Variants in CSMD3 observed in about 807,000 individuals in gnomAD.
CSMD3 encodes CUB and sushi domain-containing protein 3.
A neutral mutation model predicts 435.2 loss-of-function variants in CSMD3; 177 were observed. The ratio of observed to expected loss-of-function variants is 0.41; its 90% CI spans 0.36 to 0.46. CSMD3 has a LOEUF of 0.46. Among genes scored for constraint, CSMD3 ranks in the 20% least tolerant of loss-of-function variants. The pLI is 0.34. For synonymous variants in CSMD3, 1,656 were observed against 1,520.5 expected, an observed-to-expected ratio of 1.09 and a Z score of -2.07; for missense variants, 4,265 against 4,504.6, an observed-to-expected ratio of 0.95 and a Z score of 1.52.
In CSMD3 at chr8:112,472,632, C is replaced by A; in HGVS notation, c.5354G>T (p.Gly1785Val). 2 of 1,609,504 alleles carry A rather than the reference C, an allele frequency of 1.2e-6. No individual in the cohort carries two copies. The highest frequency in any genetic ancestry group is 1.7e-6 in the Non-Finnish European group (2 of 1,176,090). The part of the protein sequence containing the change: ...SPNYPKNYSV[G>V]HNCVYSIAVP... Reference sequence around the variant, plus strand: ...TGCTATAGAATAAACACAATTATGTCCCACACTGTAATTTTTTGGATAGTT... The same window carrying A: ...TGCTATAGAATAAACACAATTATGTACCACACTGTAATTTTTTGGATAGTT... The change falls in exon 32 of 71, where the codon GGA (glycine) becomes GTA (valine). Residue 1785 changes from glycine to valine, a missense_variant. Coordinates refer to ENST00000297405, the MANE Select transcript of CSMD3 (RefSeq NM_198123.2).
In CSMD3 at chr8:112,503,881, T is replaced by C. The variant is rs2130915487; in HGVS notation, c.4992A>G (p.Pro1664=). 1.2e-6 allele frequency: 2 copies of C among 1,613,058 alleles called. No homozygotes were observed. Among genetic ancestry groups the C allele is most frequent in the Non-Finnish European group, 1.7e-6 (2 of 1,179,270 alleles). ...TATTTGAGCTGCTTTCTATTCTCTC[T>C]GGTAACTTGCTGTCTTGAAAACTTC... ...LIGSFQDSKL[P]ERIESSSNTM... Residue 1664 remains proline, a synonymous_variant, in exon 30 of 71, where the codon CCA becomes CCG. Coordinates refer to ENST00000297405, the MANE Select transcript of CSMD3 (RefSeq NM_198123.2).
intron 22 of CSMD3, among the ~76,000 whole-genome samples, chr8:112,621,030 G>A (rs1834029988): frequency 6.6e-6 from 1 of 152,042 alleles, no homozygotes; most frequent in Non-Finnish European, 1.5e-5. Flanking sequence ...TGAGGTTAGA[G>A]TTCAAGATCA....
intron 61 of CSMD3, among the ~76,000 whole-genome samples, chr8:112,263,289 A>T (rs961607090): frequency 6.6e-6 from 1 of 152,166 alleles, no homozygotes; most frequent in Non-Finnish European, 1.5e-5. Context: ...AGTGACATGG[A>T]TTTATTGCCG....
chr8:113,152,787 T>A (rs575044301), intron 4 of CSMD3, among the ~76,000 whole-genome samples: 1 of 151,940 alleles, frequency 6.6e-6, no homozygotes, highest in African/African-American at 2.4e-5. Flanking sequence ...GAAACTAGCC[T>A]GGCCAACATT....
chr8:112,351,419 C>T (rs1296207827), intron 39 of CSMD3, among the ~76,000 whole-genome samples, 175 bp from the exon 40 acceptor site: 1 of 151,730 alleles, frequency 6.6e-6, no homozygotes, highest in African/African-American at 2.4e-5. Context: ...ATTATATACA[C>T]CTATGATAAA....
At chr8:112,632,328 A>G (rs2074538426) in intron 22 of CSMD3, among the ~76,000 whole-genome samples, 1 of 152,058 alleles carries the variant, frequency 6.6e-6, no homozygotes, top group African/African-American at 2.4e-5. Context: ...ATATAGAGTT[A>G]TCATTTTTAT....
intron 22 of CSMD3, among the ~76,000 whole-genome samples, chr8:112,612,901 A>AT (rs1367448026): frequency 2.2e-4 from 21 of 93,616 alleles, no homozygotes; most frequent in African/African-American, 9.2e-4. Context: ...AATTATTATT[A>AT]TTATTTTTTT....
rs541448468 is a variant in CSMD3, at chr8:112,738,080, G to A, written c.1973-48030C>T. Among the ~76,000 whole-genome samples the A allele has an allele frequency of 4.6e-5, 7 of 151,874 alleles. No individual in the cohort carries two copies. In the South Asian group the frequency reaches 1.2e-3, roughly 27 times the overall value. ...TAAGCACACAGTGATAAGACCTGAC[G>A]TTGGTTTATAGATTATGGTGTCATT... is the stretch of plus-strand genomic sequence containing the variant. On this transcript the variant is annotated intron_variant, in intron 13 of 70. Transcript: ENST00000297405.
intron 40 of CSMD3, among the ~76,000 whole-genome samples, chr8:112,348,066 T>C (rs1356325097): frequency 6.6e-6 from 1 of 151,984 alleles, no homozygotes; most frequent in Non-Finnish European, 1.5e-5. Flanking sequence ...CAGAATAGAG[T>C]AAAGAGATAA....
intron 22 of CSMD3, among the ~76,000 whole-genome samples, chr8:112,594,214 A>T (rs1256627186): frequency 1.3e-5 from 2 of 152,198 alleles, no homozygotes; most frequent in Non-Finnish European, 2.9e-5. Context: ...GGGAAGCCCA[A>T]GGGGTCAGGG....
intron 4 of CSMD3, among the ~76,000 whole-genome samples, chr8:113,128,126 C>CA (rs1340258482): frequency 6.6e-6 from 1 of 152,062 alleles, no homozygotes; most frequent in Admixed American, 6.6e-5. Context: ...ACCCATACAA[C>CA]AATTTGCAAT....
chr8:113,403,684 A>G (rs1300369785), intron 1 of CSMD3, among the ~76,000 whole-genome samples: 5 of 151,430 alleles, frequency 3.3e-5, no homozygotes, highest in Non-Finnish European at 5.9e-5. Context: ...TTTTAAATCC[A>G]TCCATAGCAA....
chr8:113,176,944 TC>T (rs2092355297), intron 3 of CSMD3, among the ~76,000 whole-genome samples: 1 of 151,732 alleles, frequency 6.6e-6, no homozygotes, highest in South Asian at 2.1e-4. Flanking sequence ...AATGAATTAC[TC>T]AACCATGTTC....
rs1815576871 is a variant in CSMD3, at chr8:112,254,294, C to A, written c.10069G>T (p.Val3357Leu). 6.2e-7 allele frequency: 1 copy of A among 1,612,580 alleles called. No homozygotes were observed. The highest frequency in any genetic ancestry group is 1.7e-5 in the Admixed American group (1 of 59,942). Residue 3357 changes from valine (V) to leucine (L), a missense_variant, in exon 63 of 71, where the codon GTG (valine) becomes TTG (leucine). Physicochemically the swap from Val to Leu is conservative, Grantham distance 32. Coordinates refer to ENST00000297405, the MANE Select transcript of CSMD3 (RefSeq NM_198123.2). Reference sequence around the variant, plus strand: ...TTGTTCTGAGATCCATGCCGAGGCACACCTGGGTTTTCACAAGAGGTTTGG... The same window carrying A: ...TTGTTCTGAGATCCATGCCGAGGCAAACCTGGGTTTTCACAAGAGGTTTGG... ...PTQTSCENPGVPRHGSQNNTF... is the reference protein window; with the variant it reads ...PTQTSCENPGLPRHGSQNNTF...
At chr8:113,370,927 A>C (rs1490762204) in intron 1 of CSMD3, among the ~76,000 whole-genome samples, 1 of 152,116 alleles carries the variant, frequency 6.6e-6, no homozygotes, top group African/African-American at 2.4e-5. Flanking sequence ...TTTATTCTAG[A>C]GATCTGTCTC....
intron 8 of CSMD3, among the ~76,000 whole-genome samples, chr8:112,954,377 G>A (rs148580561): frequency 6.6e-6 from 1 of 151,378 alleles, no homozygotes; most frequent in African/African-American, 2.4e-5. Context: ...ACTCATTTTC[G>A]CCTCACCTTC....
intron 3 of CSMD3, among the ~76,000 whole-genome samples, chr8:113,229,730 T>C (rs2093064340): frequency 6.6e-6 from 1 of 151,618 alleles, no homozygotes. Context: ...TGAAGTATAT[T>C]ACCTATGCCA....
At chr8:112,225,214 A>C (rs542690774) in intron 70 of CSMD3, among the ~76,000 whole-genome samples, 39 of 152,220 alleles carry the variant, frequency 2.6e-4, no homozygotes, top group African/African-American at 9.4e-4. Context: ...CAAAATTAGA[A>C]ATTATTATGA....
At chr8:113,261,655 C>T (rs1057110146) in intron 3 of CSMD3, among the ~76,000 whole-genome samples, 1 of 152,044 alleles carries the variant, frequency 6.6e-6, no homozygotes, top group Admixed American at 6.6e-5. Flanking sequence ...TGGGAAGCCC[C>T]AGTTAAGGGT....
Sources: allele counts gnomAD v4.1 joint callset (sites outside exome capture counted in the v4.1 genomes callset), GRCh38; gene constraint gnomAD v4.1.1; transcripts MANE v1.5; gene names NCBI Gene and HGNC (gene_info 2026-07-23, HGNC 2026-07-21).